The following NFASC variants were observed in gnomAD, a reference collection of about 807,000 sequenced individuals.
The protein encoded by NFASC is neurofascin homolog.
NFASC carries 43 observed loss-of-function variants against 147.5 expected under a neutral mutation model. The ratio of observed to expected loss-of-function variants is 0.29; its 90% CI spans 0.23 to 0.38. The LOEUF (loss-of-function observed/expected upper bound fraction) is 0.38. Ranked by LOEUF, NFASC falls within the 10% of genes least tolerant of loss-of-function variation. The pLI is 1.00. For missense variants in NFASC, 1,320 were observed against 1,689.0 expected (o/e 0.78, Z 3.83); for synonymous variants, 622 against 665.5 (o/e 0.93, Z 1.01).
intron 5 of NFASC, among the ~76,000 whole-genome samples, chr1:204,953,158 T>C (rs16854790): frequency 0.014 from 2,190 of 152,342 alleles, 56 homozygotes; most frequent in African/African-American, 0.05. Context: ...ACAAGTTAGA[T>C]TGTGGGCATC....
chr1:204,899,479 C>T (rs2084088424), intron 1 of NFASC, among the ~76,000 whole-genome samples: 1 of 152,216 alleles, frequency 6.6e-6, no homozygotes, highest in Non-Finnish European at 1.5e-5. Flanking sequence ...GTAGGTGAGA[C>T]ATTTGCCGGT....
intron 8 of NFASC, among the ~76,000 whole-genome samples, chr1:204,964,869 G>A (rs1011929976): frequency 1.6e-4 from 24 of 152,222 alleles, no homozygotes; most frequent in Admixed American, 1.4e-3. Flanking sequence ...GGGCAACTAA[G>A]GTTGTCAGGA....
At chr1:204,961,046 C>T (rs1374514854) in intron 8 of NFASC, among the ~76,000 whole-genome samples, 1 of 152,188 alleles carries the variant, frequency 6.6e-6, no homozygotes, top group Non-Finnish European at 1.5e-5. Context: ...ATGTTCTTGC[C>T]TCCTCAGGGC....
At chr1:204,864,772 A>C (rs1044401276) in intron 1 of NFASC, among the ~76,000 whole-genome samples, 9 of 152,070 alleles carry the variant, frequency 5.9e-5, no homozygotes, top group Non-Finnish European at 1.0e-4. Flanking sequence ...GGAGTTCCTG[A>C]TATAGCCTGG....
intron 1 of NFASC, among the ~76,000 whole-genome samples, chr1:204,875,778 C>T (rs2078663162): frequency 6.6e-6 from 1 of 152,130 alleles, no homozygotes; most frequent in Non-Finnish European, 1.5e-5. Context: ...TAGATACCAG[C>T]CACCCTGTTC....
chr1:205,022,531 A>C lies in NFASC; in HGVS notation c.*5992A>C, dbSNP rs999885404. 1.3e-5 allele frequency: 2 copies of C among 152,618 alleles called. No homozygotes were observed. The highest frequency in any genetic ancestry group is 1.3e-4 in the Admixed American group (2 of 15,284). The allele number at this position is 152,618 out of a possible 1,614,324, so 9.5% of individuals were successfully genotyped here. A position where few individuals can be genotyped will look rare whatever the true frequency, so the allele number is the denominator to read the frequency against. On this transcript the variant is annotated 3_prime_UTR_variant, in exon 30 of 30. Transcript: ENST00000339876. ...TTCCATTGGTTAAACATTTAACTCC[A>C]TGCCAGACCTTGTTTTAACCCCTCT...
At chr1:204,923,830 A>G (rs546594618) in intron 2 of NFASC, among the ~76,000 whole-genome samples, 18 of 152,024 alleles carry the variant, frequency 1.2e-4, no homozygotes, top group Non-Finnish European at 2.5e-4. Context: ...CTACTGCCCT[A>G]ATAGCTTGTG....
intron 29 of NFASC, among the ~76,000 whole-genome samples, chr1:205,014,246 C>G (rs2841632): frequency 0.81 from 123,632 of 152,124 alleles, 51,130 homozygotes; most frequent in African/African-American, 0.88. Flanking sequence ...AGACACTGAC[C>G]CTGGGTCTAC....
chr1:205,006,929 T>C (rs1420503236), intron 27 of NFASC, among the ~76,000 whole-genome samples: 1 of 150,868 alleles, frequency 6.6e-6, no homozygotes, highest in Non-Finnish European at 1.5e-5. Flanking sequence ...TGGGGATGAA[T>C]AAAGGGTCAC....
At chr1:204,885,113 A>G (rs2081057192) in intron 1 of NFASC, among the ~76,000 whole-genome samples, 1 of 152,118 alleles carries the variant, frequency 6.6e-6, no homozygotes. Flanking sequence ...TGAGACCCCC[A>G]TCTTTTTTTT....
intron 1 of NFASC, among the ~76,000 whole-genome samples, chr1:204,902,083 T>A (rs1387146263): frequency 2.0e-5 from 3 of 152,066 alleles, no homozygotes; most frequent in African/African-American, 7.2e-5. Context: ...TGCCTGAGCC[T>A]AGGAATTCGA....
At position 204,975,139 on chromosome 1, in the gene NFASC, C is replaced by CAA; in HGVS notation, c.1559-131_1559-130insAA. ...ACCCAGAACTCTGCTCCGTTCATAC[C>CAA]ATAGCATACTGTTTGTGCCCCACTC... is the stretch of plus-strand genomic sequence containing the variant. On this transcript the variant is annotated intron_variant, in intron 14 of 29. Transcript: ENST00000339876. This position sits in a 1 kb window ranked among gnomAD's most constrained non-coding sequence, Gnocchi z 4.0. The CAA allele has an allele frequency of 1.0e-6, 1 of 982,042 alleles. No homozygotes were observed. The highest frequency in any genetic ancestry group is 1.5e-6 in the Non-Finnish European group (1 of 666,674). 60.8% of individuals were successfully genotyped at this position (982,042 alleles called of 1,614,324 possible).
chr1:204,832,563 C>T (rs1672545178), intron 1 of NFASC, among the ~76,000 whole-genome samples: 1 of 152,120 alleles, frequency 6.6e-6, no homozygotes, highest in Non-Finnish European at 1.5e-5. Flanking sequence ...CGCAAATATC[C>T]ATAGCCGAAG....
intron 1 of NFASC, among the ~76,000 whole-genome samples, chr1:204,888,745 C>G (rs2081817607): frequency 6.6e-6 from 1 of 152,146 alleles, no homozygotes; most frequent in Non-Finnish European, 1.5e-5. Context: ...AAAATGCTTA[C>G]AGAATTAAAT....
chr1:204,842,984 G>A (rs1675811482), intron 1 of NFASC, among the ~76,000 whole-genome samples: 1 of 152,216 alleles, frequency 6.6e-6, no homozygotes, highest in Non-Finnish European at 1.5e-5. Flanking sequence ...ATGTGGGAGT[G>A]GGTCAGGGCT....
Position 204,992,934 on chromosome 1 carries a change from C to T in NFASC, c.2782+1628C>T, listed in dbSNP as rs145541093. On this transcript the variant is annotated intron_variant, in intron 24 of 29. Transcript: ENST00000339876. ...TCTACACTCATCCAGCATGAGCTCA[C>T]GGTCTCAATCAAATGTTTCCTGGGC... 2.4e-3 allele frequency among the ~76,000 whole-genome samples: 367 copies of T among 152,348 alleles called. 2 individuals are homozygous for T. The highest frequency in any genetic ancestry group is 8.2e-3 in the African/African-American group (341 of 41,584).
chr1:204,947,351 A>C (rs549923726), intron 3 of NFASC, among the ~76,000 whole-genome samples: 2 of 152,158 alleles, frequency 1.3e-5, no homozygotes, highest in South Asian at 4.2e-4. Context: ...AGCTGAGCCC[A>C]CCCTCCATCC....
chr1:204,909,976 G>T (rs1386438897), intron 1 of NFASC, among the ~76,000 whole-genome samples: 1 of 151,658 alleles, frequency 6.6e-6, no homozygotes, highest in African/African-American at 2.4e-5. Context: ...ATGTAGGTTT[G>T]GTTACTGTAG....
At position 204,979,314 on chromosome 1, in the gene NFASC, A is replaced by G; in HGVS notation, c.1979-48A>G. The G allele has an allele frequency of 6.9e-7, 1 of 1,439,288 alleles. No individual in the cohort carries two copies. 89.2% of individuals were successfully genotyped at this position (1,439,288 alleles called of 1,614,324 possible). A position where few individuals can be genotyped will look rare whatever the true frequency, so the allele number is the denominator to read the frequency against. ...GAAGGAAGTGCTTTTAAAGAAGACC[A>G]CTGCTAACTGAGCTCCCGAAACAGC... On this transcript the variant is annotated intron_variant, in intron 18 of 29. Transcript: ENST00000339876. This position sits in a 1 kb window ranked among gnomAD's most constrained non-coding sequence, Gnocchi z 6.0.
Sources: allele counts gnomAD v4.1 joint callset (sites outside exome capture counted in the v4.1 genomes callset), GRCh38; gene constraint gnomAD v4.1.1; non-coding constraint Gnocchi (gnomAD v3.1); transcripts MANE v1.5; gene names NCBI Gene and HGNC (gene_info 2026-07-23, HGNC 2026-07-21).